The following DHX35 variants were observed in gnomAD, a reference collection of about 807,000 sequenced individuals.
DHX35 encodes probable ATP-dependent RNA helicase DHX35.
Under a neutral mutation model 99.6 loss-of-function variants are expected in DHX35, and 84 were observed. That is an observed-to-expected ratio of 0.84 (90% CI 0.71 to 1.01). The LOEUF (loss-of-function observed/expected upper bound fraction) is 1.01, where lower values mean the gene tolerates loss of function less well. Ranked by LOEUF, DHX35 falls within the 50% of genes least tolerant of loss-of-function variation. The pLI, the probability that DHX35 is intolerant of heterozygous loss-of-function variation, is 0.00. For synonymous variants in DHX35, 331 were observed against 316.2 expected, an observed-to-expected ratio of 1.05 and a Z score of -0.50; for missense variants, 852 against 888.5, an observed-to-expected ratio of 0.96 and a Z score of 0.52.
At position 38,972,584 on chromosome 20, in the gene DHX35, T is replaced by C. The variant is rs548230888; in HGVS notation, c.200T>C (p.Ile67Thr). ...CTTAGGAATCATATTTTATACTTGATAGAAAATTATCAGACAGTGGTGATT... is the reference window on the plus strand; with the variant it reads ...CTTAGGAATCATATTTTATACTTGACAGAAAATTATCAGACAGTGGTGATT... ...FKLRNHILYLIENYQTVVIVG... is the reference protein window; with the variant it reads ...FKLRNHILYLTENYQTVVIVG... The change falls in exon 3 of 22, where the codon ATA becomes ACA. Residue 67 changes from isoleucine (I) to threonine (T), a missense_variant. Physicochemically the swap from Ile to Thr is moderately conservative, Grantham distance 89. Coordinates refer to ENST00000252011, the MANE Select transcript of DHX35 (RefSeq NM_021931.4). 23 of 1,612,218 alleles carry C rather than the reference T, an allele frequency of 1.4e-5. No individual in the cohort carries two copies. In the Admixed American group the frequency reaches 2.5e-4, roughly 18 times the overall value.
chr20:38,991,239 A>G (rs938271993), intron 5 of DHX35, among the ~76,000 whole-genome samples: 1 of 152,198 alleles, frequency 6.6e-6, no homozygotes, highest in Non-Finnish European at 1.5e-5. Flanking sequence ...ATTCTGCTCA[A>G]AGATTTGCAA....
intron 10 of DHX35, 66 bp from the exon 11 acceptor site, chr20:39,003,683 A>G (rs1450552828): frequency 1.9e-6 from 3 of 1,540,056 alleles, no homozygotes; most frequent in Admixed American, 3.8e-5. Context: ...ATTTTCTTTC[A>G]GTATGATAAA....
rs117627876 is a variant in DHX35 at position 39,032,134 on chromosome 20, A to G, written c.1955+1359A>G. ...TGTATTTTACCAATAAAAAGTACTG[A>G]TTAAAAGTACTGATCAACCATGGAT... is the stretch of plus-strand genomic sequence containing the variant. On this transcript the variant is annotated intron_variant, in intron 20 of 21. Transcript: ENST00000252011. Among the ~76,000 whole-genome samples, 279 of 152,342 alleles carry G rather than the reference A, an allele frequency of 1.8e-3. 8 individuals carry two copies. In the East Asian group the frequency reaches 0.05, roughly 27 times the overall value.
intron 3 of DHX35, chr20:38,978,016 A>G (rs1375823140): frequency 2.8e-6 from 2 of 717,458 alleles, no homozygotes; most frequent in Admixed American, 3.6e-5. Flanking sequence ...AGATATACTT[A>G]AGAATTTCAC....
At chr20:39,016,708 C>T (rs973930747) in intron 14 of DHX35, among the ~76,000 whole-genome samples, 9 of 152,230 alleles carry the variant, frequency 5.9e-5, no homozygotes, top group African/African-American at 1.9e-4. Context: ...GTGTTATAGC[C>T]ATCCTAGTGG....
intron 20 of DHX35, among the ~76,000 whole-genome samples, chr20:39,032,121 A>G (rs958743664): frequency 6.6e-5 from 10 of 152,352 alleles, no homozygotes; most frequent in Admixed American, 6.5e-4. Context: ...TATTTTACCA[A>G]TAAAAAGTAC....
rs545290189 is a variant in DHX35, at chr20:38,975,817, A to G, written c.267+3166A>G. 2.6e-5 allele frequency among the ~76,000 whole-genome samples: 4 copies of G among 152,352 alleles called. No homozygotes were observed. The South Asian group carries it at 8.3e-4, about 32-fold the overall frequency. The stretch of plus-strand genomic sequence containing the variant: ...TGATCTTGTGGTAGATGGCAGAATC[A>G]TGAGACAGCTCTTAAAACTTCTGAC... On this transcript the variant is annotated intron_variant, in intron 3 of 21. Coordinates refer to ENST00000252011, the MANE Select transcript of DHX35 (RefSeq NM_021931.4).
Position 38,991,531 on chromosome 20 carries a change from T to C in DHX35, c.512+16T>C. On this transcript the variant is annotated intron_variant, in intron 6 of 21. Coordinates refer to ENST00000252011, the MANE Select transcript of DHX35 (RefSeq NM_021931.4). The stretch of plus-strand genomic sequence containing the variant: ...CAAAATATAGGTAAATGTGTTTTTC[T>C]TATGATAGCTTTCCTAGTTTCCAAA... 6.2e-7 allele frequency: 1 copy of C among 1,610,572 alleles called. No homozygotes were observed. The highest frequency in any genetic ancestry group is 8.5e-7 in the Non-Finnish European group (1 of 1,177,984).
intron 2 of DHX35, among the ~76,000 whole-genome samples, chr20:38,971,090 G>A (rs779886165): frequency 5.3e-5 from 8 of 152,140 alleles, no homozygotes; most frequent in Non-Finnish European, 1.0e-4. Flanking sequence ...GGTGGCTTAC[G>A]GCTGTAATCC....
At chr20:38,998,813 T>C (rs1036614083) in intron 8 of DHX35, among the ~76,000 whole-genome samples, 3 of 152,244 alleles carry the variant, frequency 2.0e-5, no homozygotes, top group Admixed American at 2.0e-4. Context: ...CTTTTTGTTT[T>C]GAGACAGAGT....
At chr20:39,001,899 A>T (rs2086526651) in intron 9 of DHX35, 57 bp downstream of exon 9, 1 of 1,305,978 alleles carries the variant, frequency 7.7e-7, no homozygotes, top group Non-Finnish European at 1.1e-6. Context: ...CCTCTGATGT[A>T]GAATGTCAGA....
intron 1 of DHX35, 140 bp from the exon 2 acceptor site, chr20:38,968,936 AAAGTT>A: frequency 2.0e-6 from 2 of 977,740 alleles, no homozygotes; most frequent in Non-Finnish European, 2.8e-6. Flanking sequence ...ATTCTTTCCT[AAAGTT>A]AAGGTTGAAT....
chr20:38,982,270 G>T (rs2086185711), intron 3 of DHX35, among the ~76,000 whole-genome samples: 1 of 152,096 alleles, frequency 6.6e-6, no homozygotes, highest in Non-Finnish European at 1.5e-5. Context: ...TTTCAGAATT[G>T]CTAACTTGTA....
rs749668239 is a variant in DHX35 at position 38,994,802 on chromosome 20, C to T, written c.583-19C>T. 2.4e-5 allele frequency: 39 copies of T among 1,606,074 alleles called. No individual in the cohort carries two copies. The South Asian group carries it at 4.2e-4, about 17-fold the overall frequency. ...AGTGTTGCACTATTATCATTATTTC[C>T]AAATGTCTTCTTTTTTAGATTCAGA... On this transcript the variant is annotated intron_variant, in intron 7 of 21. Coordinates refer to ENST00000252011, the MANE Select transcript of DHX35 (RefSeq NM_021931.4).
chr20:38,963,160 C>T (rs966073413), intron 1 of DHX35, among the ~76,000 whole-genome samples: 2 of 152,208 alleles, frequency 1.3e-5, no homozygotes, highest in East Asian at 1.9e-4. Flanking sequence ...ACTCATTAAT[C>T]AGGTTTTTAC....
chr20:39,034,590 ATTTTTTT>A (rs58827630), intron 21 of DHX35, among the ~76,000 whole-genome samples: 5 of 136,378 alleles, frequency 3.7e-5, no homozygotes, highest in African/African-American at 1.4e-4. Flanking sequence ...CTTCCAAACT[ATTTTTTT>A]TTTTTTTTTT....
At chr20:38,983,603 T>G in intron 3 of DHX35, 96 bp from the exon 4 acceptor site, 4 of 957,704 alleles carry the variant, frequency 4.2e-6, no homozygotes, top group Non-Finnish European at 6.4e-6. Context: ...ACTTTTTCCT[T>G]TCTTAGTGAT....
chr20:39,028,464 C>A lies in DHX35; in HGVS notation c.1848C>A (p.Ala616=), dbSNP rs756337375. Residue 616 remains alanine (A), a synonymous_variant, in exon 19 of 22, where the codon GCC becomes GCA. Coordinates refer to ENST00000252011, the MANE Select transcript of DHX35 (RefSeq NM_021931.4). The part of the protein sequence containing the change: ...VLRCIVSGFF[A]NAARFHSTGA... ...GGTGCATTGTCTCCGGCTTCTTCGC[C>A]AATGCAGCGAGGTTTCATTCTACTG... The A allele has an allele frequency of 6.2e-7, 1 of 1,614,218 alleles. No homozygotes were observed. The highest frequency in any genetic ancestry group is 1.1e-5 in the South Asian group (1 of 91,086).
At chr20:39,005,684 T>C (rs1473977846) in intron 11 of DHX35, among the ~76,000 whole-genome samples, 1 of 152,198 alleles carries the variant, frequency 6.6e-6, no homozygotes, top group Non-Finnish European at 1.5e-5. Context: ...TTGTCTGTCT[T>C]GTTTATCCTA....
Sources: allele counts gnomAD v4.1 joint callset (sites outside exome capture counted in the v4.1 genomes callset), GRCh38; gene constraint gnomAD v4.1.1; transcripts MANE v1.5; gene names NCBI Gene and HGNC (gene_info 2026-07-23, HGNC 2026-07-21).